The following MED22 variants were observed in gnomAD, a reference collection of about 807,000 sequenced individuals.
MED22 encodes mediator complex subunit 22.
In MED22, 22 loss-of-function variants were observed where a neutral mutation model predicts 22.7. The ratio of observed to expected loss-of-function variants is 0.97; its 90% CI spans 0.69 to 1.38. The LOEUF is 1.38. Ranked by LOEUF, MED22 falls within the 40% of genes most tolerant of loss-of-function variation. The pLI is 0.00. For missense variants in MED22, 247 were observed against 263.0 expected, an observed-to-expected ratio of 0.94 and a Z score of 0.42; for synonymous variants, 134 against 119.4, an observed-to-expected ratio of 1.12 and a Z score of -0.80.
At chr9:133,345,043 GCCTC>G in intron 3 of MED22, 125 bp downstream of exon 3, 1 of 812,002 alleles carries the variant, frequency 1.2e-6, no homozygotes, top group Non-Finnish European at 2.0e-6. Context: ...CTCTACATTT[GCCTC>G]CTTCTGCTCC....
rs183186402 is a variant in MED22 at position 133,344,669 on chromosome 9, G to A, written c.205-336C>T. Among the ~76,000 whole-genome samples, 353 of 152,316 alleles carry A rather than the reference G, an allele frequency of 2.3e-3. 1 individual carries two copies. Among genetic ancestry groups the A allele is most frequent in the African/African-American group, 7.6e-3 (318 of 41,570 alleles). ...GCGATCCCATTTTGCCTCCTGCCCC[G>A]GGGTAGGATTAACATGGCTGCCAGC... On this transcript the variant is annotated intron_variant, in intron 3 of 4. Coordinates refer to ENST00000343730, the MANE Select transcript of MED22 (RefSeq NM_133640.5).
At chr9:133,346,405 T>A in intron 2 of MED22, 135 bp downstream of exon 2, 1 of 1,109,624 alleles carries the variant, frequency 9.0e-7, no homozygotes, top group East Asian at 2.4e-5. Flanking sequence ...GGTTTGCTTA[T>A]CTACTGACCA....
chr9:133,341,286 G>A lies in MED22; in HGVS notation c.*219C>T, dbSNP rs141908130. 1,779 of 456,044 alleles carry A rather than the reference G, an allele frequency of 3.9e-3. 11 individuals carry two copies. Among genetic ancestry groups the A allele is most frequent in the Non-Finnish European group, 4.9e-3 (1,313 of 266,374 alleles). 28.2% of individuals were successfully genotyped at this position (456,044 alleles called of 1,614,324 possible). A position where few individuals can be genotyped will look rare whatever the true frequency, so the allele number is the denominator to read the frequency against. ...AGGCAGCAAACAGAGATGATGACTC[G>A]GAATGATGGGCTATTCGGAAATGGC... On this transcript the variant is annotated 3_prime_UTR_variant, in exon 5 of 5. Transcript: ENST00000343730.
Position 133,347,997 on chromosome 9 carries a change from C to A in MED22, c.-114G>T, listed in dbSNP as rs1032787057. ...GCGGGGTGGTCAAGTGCCTCTGCGA[C>A]CCGCACTTTCCCGCGTCTCTCCCAC... On this transcript the variant is annotated 5_prime_UTR_variant, in exon 1 of 5. Transcript: ENST00000343730. 1.2e-5 allele frequency: 7 copies of A among 580,554 alleles called. No individual in the cohort carries two copies. Among genetic ancestry groups the A allele is most frequent in the Admixed American group, 8.6e-5 (3 of 34,922 alleles). The allele number at this position is 580,554 out of a possible 1,614,324, so 36.0% of individuals were successfully genotyped here. A position where few individuals can be genotyped will look rare whatever the true frequency, so the allele number is the denominator to read the frequency against.
chr9:133,344,721 T>C (rs963229811), intron 3 of MED22, among the ~76,000 whole-genome samples: 3 of 152,180 alleles, frequency 2.0e-5, no homozygotes, highest in Non-Finnish European at 2.9e-5. Flanking sequence ...GGGACCTTTT[T>C]CCATGCATTT....
Position 133,341,566 on chromosome 9 carries a change from A to G in MED22, c.542T>C (p.Leu181Pro). The stretch of plus-strand genomic sequence containing the variant: ...GGAGTGGGCAGGGGCTGCCACCTGT[A>G]GGGGGCCAGCACTGGGCTCCGGGGA... The part of the protein sequence containing the change: ...LASPEPSAGP[L>P]QVAAPAHSHA... Residue 181 changes from leucine (L) to proline (P), a missense_variant, in exon 5 of 5, where the codon CTA becomes CCA. By Grantham distance (98) the Leu-to-Pro change is moderately conservative (BLOSUM62 -3). Coordinates refer to ENST00000343730, the MANE Select transcript of MED22 (RefSeq NM_133640.5). 1 of 1,561,836 alleles carries G rather than the reference A, an allele frequency of 6.4e-7. No homozygotes were observed. The highest frequency in any genetic ancestry group is 1.2e-5 in the South Asian group (1 of 82,848).
intron 4 of MED22, chr9:133,342,062 C>A: frequency 1.8e-6 from 2 of 1,097,918 alleles, no homozygotes; most frequent in Non-Finnish European, 2.2e-6. Flanking sequence ...CACCCTCCCT[C>A]CTCCCTGACT....
rs1373901855 is a variant in MED22 at position 133,339,424 on chromosome 9, C to A, written c.*2081G>T. ...CACTGTGAGAACCAATGGGAAGGAG[C>A]CTGAGCTGCTGGAACCTCTTCCCTA... On this transcript the variant is annotated 3_prime_UTR_variant, in exon 5 of 5. Transcript: ENST00000343730. The A allele has an allele frequency of 2.6e-6, 2 of 772,454 alleles. No individual in the cohort carries two copies. Among genetic ancestry groups the A allele is most frequent in the Non-Finnish European group, 4.6e-6 (2 of 430,218 alleles). The allele number at this position is 772,454 out of a possible 1,614,324, so 47.8% of individuals were successfully genotyped here. A position where few individuals can be genotyped will look rare whatever the true frequency, so the allele number is the denominator to read the frequency against.
rs2129960113 is a variant in MED22 at position 133,344,178 on chromosome 9, T to C, written c.360A>G (p.Arg120=). The part of the protein sequence containing the change: ...EECDRKLITL[R]DEISIDLYEL... Reference sequence around the variant, plus strand: ...CGTAGAGGTCAATGGAGATCTCGTCTCGCAGCGTGATGAGCTTCCGGTCGC... The same window carrying C: ...CGTAGAGGTCAATGGAGATCTCGTCCCGCAGCGTGATGAGCTTCCGGTCGC... The change falls in exon 4 of 5, where the codon CGA becomes CGG. Residue 120 remains arginine, a synonymous_variant. Transcript: ENST00000343730. The C allele has an allele frequency of 1.4e-5, 23 of 1,614,116 alleles. No homozygotes were observed. The South Asian group carries it at 2.4e-4, about 17-fold the overall frequency.
intron 4 of MED22, chr9:133,342,224 C>A (rs587690702): frequency 2.0e-5 from 20 of 986,390 alleles, no homozygotes; most frequent in Non-Finnish European, 2.2e-5. Context: ...ATCAGCCAGG[C>A]GGCCTCCAGC....
chr9:133,339,741 G>A lies in MED22; in HGVS notation c.*1764C>T. On this transcript the variant is annotated 3_prime_UTR_variant, in exon 5 of 5. Transcript: ENST00000343730. ...TGGGCCGGGGCTTAGCAATGTGGAG[G>A]CCACTGGTGACCTTAATAGGTGTAG... 1 of 235,534 alleles carries A rather than the reference G, an allele frequency of 4.2e-6. No individual in the cohort carries two copies. Among genetic ancestry groups the A allele is most frequent in the Non-Finnish European group, 8.3e-6 (1 of 119,818 alleles). The allele number at this position is 235,534 out of a possible 1,614,324, so 14.6% of individuals were successfully genotyped here.
intron 2 of MED22, 60 bp downstream of exon 2, chr9:133,346,480 C>T: frequency 6.2e-7 from 1 of 1,602,672 alleles, no homozygotes; most frequent in Non-Finnish European, 8.5e-7. Flanking sequence ...AGCCCCTGGC[C>T]TCTCCTGTCT....
chr9:133,344,770 T>C (rs1836133552), intron 3 of MED22, among the ~76,000 whole-genome samples: 1 of 152,212 alleles, frequency 6.6e-6, no homozygotes. Context: ...ATCTGCTTGC[T>C]GTGTTTCTCC....
Position 133,338,818 on chromosome 9 carries a change from A to C in MED22, c.*2687T>G. ...GTCTCAAAACTTCTGACCACAAGTG[A>C]TCCACCCGCTTTGGCTTCTCAAAGT... On this transcript the variant is annotated 3_prime_UTR_variant, in exon 5 of 5. Transcript: ENST00000343730. 1 of 385,284 alleles carries C rather than the reference A, an allele frequency of 2.6e-6. No individual in the cohort carries two copies. The highest frequency in any genetic ancestry group is 5.0e-6 in the Non-Finnish European group (1 of 199,222). The allele number at this position is 385,284 out of a possible 1,614,324, so 23.9% of individuals were successfully genotyped here.
chr9:133,339,189 T>C lies in MED22; in HGVS notation c.*2316A>G. The C allele has an allele frequency of 1.4e-6, 1 of 691,540 alleles. No homozygotes were observed. The highest frequency in any genetic ancestry group is 1.8e-5 in the Admixed American group (1 of 56,326). The allele number at this position is 691,540 out of a possible 1,614,324, so 42.8% of individuals were successfully genotyped here. A position where few individuals can be genotyped will look rare whatever the true frequency, so the allele number is the denominator to read the frequency against. On this transcript the variant is annotated 3_prime_UTR_variant, in exon 5 of 5. Coordinates refer to ENST00000343730, the MANE Select transcript of MED22 (RefSeq NM_133640.5). ...GGCTAGACTGGGAGAGTCTACAGTGTTCCCCAGCATGCTGTTGGCACTGTT... is the reference window on the plus strand; with the variant it reads ...GGCTAGACTGGGAGAGTCTACAGTGCTCCCCAGCATGCTGTTGGCACTGTT...
Position 133,340,438 on chromosome 9 carries a change from G to C in MED22, c.*1067C>G, listed in dbSNP as rs1484670453. 1 of 100,792 alleles carries C rather than the reference G, an allele frequency of 9.9e-6. No individual in the cohort carries two copies. Among genetic ancestry groups the C allele is most frequent in the Non-Finnish European group, 2.1e-5 (1 of 48,240 alleles). The allele number at this position is 100,792 out of a possible 1,614,324, so 6.2% of individuals were successfully genotyped here. A position where few individuals can be genotyped will look rare whatever the true frequency, so the allele number is the denominator to read the frequency against. ...TGGATGGTGCTGGAGGAACTGGGGTGGGGTGCTCCCCCACACTTCCTGTGG... is the reference window on the plus strand; with the variant it reads ...TGGATGGTGCTGGAGGAACTGGGGTCGGGTGCTCCCCCACACTTCCTGTGG... On this transcript the variant is annotated 3_prime_UTR_variant, in exon 5 of 5. Transcript: ENST00000343730.
Position 133,338,660 on chromosome 9 carries a change from T to C in MED22, c.*2845A>G, listed in dbSNP as rs1314597293. 7 of 260,736 alleles carry C rather than the reference T, an allele frequency of 2.7e-5. No homozygotes were observed. The highest frequency in any genetic ancestry group is 4.6e-5 in the Non-Finnish European group (6 of 131,614). The allele number at this position is 260,736 out of a possible 1,614,324, so 16.2% of individuals were successfully genotyped here. On this transcript the variant is annotated 3_prime_UTR_variant, in exon 5 of 5. Coordinates refer to ENST00000343730, the MANE Select transcript of MED22 (RefSeq NM_133640.5). ...TTTCTCCATGTTGGTCAGGCTGGTC[T>C]GGAAATCCCGACCTCAGGTGATCCG... is the stretch of plus-strand genomic sequence containing the variant.
intron 2 of MED22, 156 bp downstream of exon 2, chr9:133,346,384 T>G: frequency 5.9e-6 from 5 of 843,334 alleles, no homozygotes; most frequent in Non-Finnish European, 9.4e-6. Flanking sequence ...GGGCTGGACG[T>G]GCCATTATTT....
chr9:133,343,087 A>T, intron 4 of MED22: 1 of 1,000,258 alleles, frequency 1.0e-6, no homozygotes, highest in Non-Finnish European at 1.2e-6. Flanking sequence ...GGGACCAAAG[A>T]TTCCCTCAGA....
Sources: gnomAD v4.1 joint callset for allele counts (sites outside exome capture counted in the v4.1 genomes callset) on GRCh38, gnomAD v4.1.1 for gene constraint, MANE v1.5 for transcripts, NCBI Gene and HGNC (gene_info 2026-07-23, HGNC 2026-07-21) for gene names.